Variants in TTC12 observed in about 807,000 individuals in gnomAD.
The protein encoded by TTC12 is tetratricopeptide repeat protein 12.
In TTC12, 70 loss-of-function variants were observed where a neutral mutation model predicts 90.1. The observed-to-expected ratio is 0.78, with a 90% CI of 0.64 to 0.95. The LOEUF (loss-of-function observed/expected upper bound fraction) is 0.95. Ranked by LOEUF, TTC12 falls within the 40% of genes least tolerant of loss-of-function variation. TTC12 has a pLI of 0.00. For missense variants in TTC12, 819 were observed against 846.1 expected, an observed-to-expected ratio of 0.97 and a Z score of 0.40; for synonymous variants, 296 against 311.5, an observed-to-expected ratio of 0.95 and a Z score of 0.53.
chr11:113,330,168 G>A (rs1482575249), intron 7 of TTC12, among the ~76,000 whole-genome samples, 189 bp downstream of exon 7: 1 of 152,218 alleles, frequency 6.6e-6, no homozygotes, highest in Non-Finnish European at 1.5e-5. Context: ...CTAGTTCCTA[G>A]AAAGCAATCC....
At chr11:113,359,241 G>C in intron 16 of TTC12, 122 bp from the exon 17 acceptor site, 1 of 638,348 alleles carries the variant, frequency 1.6e-6, no homozygotes, top group South Asian at 2.2e-5. Flanking sequence ...CCATCATTTA[G>C]GTTCATGACA....
downstream of TTC12, chr11:113,368,704 A>G: frequency 1.7e-6 from 1 of 597,534 alleles, no homozygotes; most frequent in Non-Finnish European, 3.0e-6. Flanking sequence ...GAGATGCTGC[A>G]ACAGGTCACG....
chr11:113,351,474 G>A (rs979366916), intron 15 of TTC12, among the ~76,000 whole-genome samples, 175 bp downstream of exon 15: 2 of 152,236 alleles, frequency 1.3e-5, no homozygotes, highest in African/African-American at 4.8e-5. Context: ...GGAGGGACAG[G>A]TGGAGGTGGC....
At chr11:113,358,605 C>G (rs574602877) in intron 16 of TTC12, among the ~76,000 whole-genome samples, 1 of 150,286 alleles carries the variant, frequency 6.7e-6, no homozygotes, top group Admixed American at 6.6e-5. Context: ...CTAAAGTCTC[C>G]TGTGGGAGCA....
intron 8 of TTC12, among the ~76,000 whole-genome samples, chr11:113,336,315 T>C (rs577715899): frequency 6.6e-6 from 1 of 152,330 alleles, no homozygotes; most frequent in South Asian, 2.1e-4. Flanking sequence ...AAATATTTTC[T>C]TCCACTCCTT....
chr11:113,365,638 TC>T (rs1157914863), intron 21 of TTC12: 1 of 175,464 alleles, frequency 5.7e-6, no homozygotes, highest in Non-Finnish European at 1.3e-5. Flanking sequence ...AGCTCAGACC[TC>T]CACTCTGCTC....
intron 16 of TTC12, among the ~76,000 whole-genome samples, chr11:113,357,336 A>G (rs145375029): frequency 5.8e-4 from 88 of 151,992 alleles, no homozygotes; most frequent in African/African-American, 2.1e-3. Flanking sequence ...TCATTGTTTC[A>G]TTATGATTTT....
chr11:113,329,657 T>C (rs1555142041), intron 6 of TTC12: 1 of 560,932 alleles, frequency 1.8e-6, no homozygotes, highest in Admixed American at 2.2e-5. Context: ...GTAATGGCTG[T>C]CCACTGTTGC....
rs1949995101 is a variant in TTC12, at chr11:113,362,512, CTT to C, written c.1716+12_1716+13del. 6.4e-7 allele frequency: 1 copy of C among 1,564,288 alleles called. No individual in the cohort carries two copies. The highest frequency in any genetic ancestry group is 8.8e-7 in the Non-Finnish European group (1 of 1,134,674). On this transcript the variant is annotated intron_variant, in intron 19 of 21. Coordinates refer to ENST00000529221, the MANE Select transcript of TTC12 (RefSeq NM_017868.4). ...GATGAAATTCCTGAAGGTAAGATCA[CTT>C]TATTGGTTACAACCCCTGAAATGTA...
intron 12 of TTC12, 142 bp from the exon 13 acceptor site, chr11:113,344,130 T>A: frequency 2.0e-6 from 2 of 978,620 alleles, no homozygotes. Context: ...AGTCTGGTTC[T>A]AGAATCCACA....
At position 113,355,953 on chromosome 11, in the gene TTC12, A is replaced by T. The variant is rs112001288; in HGVS notation, c.1447-3410A>T. Among the ~76,000 whole-genome samples, 1,088 of 152,330 alleles carry T rather than the reference A, an allele frequency of 7.1e-3. 13 individuals are homozygous for T. Among genetic ancestry groups the T allele is most frequent in the African/African-American group, 0.024 (990 of 41,570 alleles). ...TTGGAGAAATCTGTGTATGTACATC[A>T]GGCCCATTTGATCCAGTGCTAAGTT... On this transcript the variant is annotated intron_variant, in intron 16 of 21. Transcript: ENST00000529221.
intron 21 of TTC12, 50 bp from the exon 22 acceptor site, chr11:113,366,175 G>A (rs1447530748): frequency 3.7e-6 from 6 of 1,602,760 alleles, no homozygotes; most frequent in African/African-American, 1.3e-5. Context: ...GGCTCCAGAA[G>A]CCTGAACCGT....
At chr11:113,347,936 T>C (rs1949064359) in intron 13 of TTC12, among the ~76,000 whole-genome samples, 1 of 152,186 alleles carries the variant, frequency 6.6e-6, no homozygotes, top group African/African-American at 2.4e-5. Flanking sequence ...ATCACAGTGA[T>C]TGTCAGGACA....
Position 113,324,634 on chromosome 11 carries a change from G to A in TTC12, c.274G>A (p.Ala92Thr), listed in dbSNP as rs782669839. The change falls in exon 5 of 22, where the codon GCA becomes ACA. Residue 92 changes from alanine to threonine, a missense_variant. Coordinates refer to ENST00000529221, the MANE Select transcript of TTC12 (RefSeq NM_017868.4). ...CTTCTTGGCATCTGTGGAGAAGGAT[G>A]CAAAGGAACGAGCCAAGAGAAGAAG... ...EAFLASVEKD[A>T]KERAKRRREN... is the part of the protein sequence containing the mutation. 1.2e-6 allele frequency: 2 copies of A among 1,613,916 alleles called. No homozygotes were observed. The highest frequency in any genetic ancestry group is 8.5e-7 in the Non-Finnish European group (1 of 1,179,968).
chr11:113,328,272 A>G (rs1009355984), intron 6 of TTC12, among the ~76,000 whole-genome samples: 8 of 152,198 alleles, frequency 5.3e-5, no homozygotes, highest in African/African-American at 1.9e-4. Context: ...GTGCAATTTG[A>G]TAAGACTTTA....
intron 6 of TTC12, among the ~76,000 whole-genome samples, chr11:113,329,310 C>A (rs1040830561): frequency 6.6e-6 from 1 of 152,180 alleles, no homozygotes; most frequent in Non-Finnish European, 1.5e-5. Flanking sequence ...TTTTCTGGAA[C>A]ATTCACAGCA....
intron 16 of TTC12, among the ~76,000 whole-genome samples, chr11:113,357,024 A>G (rs1259021826): frequency 2.6e-5 from 4 of 152,164 alleles, no homozygotes; most frequent in African/African-American, 7.2e-5. Flanking sequence ...ATGTTTTCCA[A>G]ATTGGTTCCA....
At chr11:113,366,169 C>T in intron 21 of TTC12, 56 bp from the exon 22 acceptor site, 1 of 1,597,104 alleles carries the variant, frequency 6.3e-7, no homozygotes, top group Non-Finnish European at 8.5e-7. Flanking sequence ...GCTCTGGGCT[C>T]CAGAAGCCTG....
At chr11:113,364,075 A>G in intron 20 of TTC12, 148 bp downstream of exon 20, 3 of 605,596 alleles carry the variant, frequency 5.0e-6, no homozygotes, top group Non-Finnish European at 8.7e-6. Context: ...GATGTTTCAC[A>G]TCCAGATCTG....
Sources: gnomAD v4.1 joint callset for allele counts (sites outside exome capture counted in the v4.1 genomes callset) on GRCh38, gnomAD v4.1.1 for gene constraint, MANE v1.5 for transcripts, NCBI Gene and HGNC (gene_info 2026-07-23, HGNC 2026-07-21) for gene names.